Variants in PLXNA4 observed in about 807,000 individuals in gnomAD.
PLXNA4 encodes the protein plexin-A4.
Under a neutral mutation model 191.8 loss-of-function variants are expected in PLXNA4, and 44 were observed. That is an observed-to-expected ratio of 0.23 (90% CI 0.18 to 0.29). PLXNA4 has a LOEUF of 0.29. PLXNA4 is among the 10% of genes least tolerant of loss of function. PLXNA4 has a pLI of 1.00. For synonymous variants in PLXNA4, 1,082 were observed against 1,009.5 expected (o/e 1.07, Z -1.36); for missense variants, 1,800 against 2,488.8 (o/e 0.72, Z 5.89).
chr7:132,355,459 C>T (rs1215594551), intron 3 of PLXNA4, among the ~76,000 whole-genome samples: 1 of 152,142 alleles, frequency 6.6e-6, no homozygotes, highest in African/African-American at 2.4e-5. Context: ...AAGGGGTGAG[C>T]CCCACTGGCT....
intron 2 of PLXNA4, among the ~76,000 whole-genome samples, chr7:132,640,038 G>A (rs1803708567): frequency 6.6e-6 from 1 of 152,236 alleles, no homozygotes; most frequent in Admixed American, 6.5e-5. Flanking sequence ...TTCATGATAA[G>A]TAATTATAAC....
chr7:132,543,957 G>T (rs1411227003), intron 1 of PLXNA4, among the ~76,000 whole-genome samples: 1 of 152,222 alleles, frequency 6.6e-6, no homozygotes, highest in African/African-American at 2.4e-5. Flanking sequence ...GAAGTACAGG[G>T]TTATTTCATG....
chr7:132,629,051 T>C (rs914446099), intron 2 of PLXNA4, among the ~76,000 whole-genome samples: 2 of 152,228 alleles, frequency 1.3e-5, no homozygotes, highest in African/African-American at 4.8e-5. Context: ...TTGATCTCAC[T>C]ATTGATTGAT....
intron 3 of PLXNA4, among the ~76,000 whole-genome samples, chr7:132,400,233 A>C (rs1306606230): frequency 6.6e-6 from 1 of 152,208 alleles, no homozygotes; most frequent in Non-Finnish European, 1.5e-5. Flanking sequence ...AAAAGGAATT[A>C]ACATCCTCAG....
chr7:132,536,775 G>C (rs796962995), intron 1 of PLXNA4, among the ~76,000 whole-genome samples: 1 of 152,236 alleles, frequency 6.6e-6, no homozygotes, highest in Non-Finnish European at 1.5e-5. Flanking sequence ...ACCCCTAAGC[G>C]AGGAAATGCT....
chr7:132,378,917 T>A lies in PLXNA4; in HGVS notation c.1372-80695A>T, dbSNP rs899762047. Among the ~76,000 whole-genome samples, 3 of 148,504 alleles carry A rather than the reference T, an allele frequency of 2.0e-5. No homozygotes were observed. The Admixed American group carries it at 2.1e-4, about 10-fold the overall frequency. ...CCCAGGCTGGAGTGCAATGGCGCGA[T>A]CTTGGCTCACTACAACCTCCGCCTC... On this transcript the variant is annotated intron_variant, in intron 3 of 31. Coordinates refer to ENST00000321063, the MANE Select transcript of PLXNA4 (RefSeq NM_020911.2).
intron 1 of PLXNA4, among the ~76,000 whole-genome samples, chr7:132,537,995 G>A (rs761880117): frequency 3.9e-5 from 6 of 152,174 alleles, no homozygotes; most frequent in Admixed American, 6.5e-5. Context: ...GTAGAGCTTC[G>A]CTGATCCTGC....
chr7:132,222,548 A>G (rs1584865231), intron 9 of PLXNA4, among the ~76,000 whole-genome samples: 1 of 151,386 alleles, frequency 6.6e-6, no homozygotes, highest in South Asian at 2.1e-4. Flanking sequence ...GGCTGGCCAC[A>G]TGGTCATGAC....
In PLXNA4 at chr7:132,133,048, C is replaced by T. The variant is rs1195675706; in HGVS notation, c.5589+1G>A. 6.2e-7 allele frequency: 1 copy of T among 1,613,414 alleles called. No homozygotes were observed. Among genetic ancestry groups the T allele is most frequent in the Non-Finnish European group, 8.5e-7 (1 of 1,179,644 alleles). ...TGGGCCTGGAGCAGGGCAAAGCTTACCTCCTCGCTGTATTTGCCCACATAG... is the reference window on the plus strand; with the variant it reads ...TGGGCCTGGAGCAGGGCAAAGCTTATCTCCTCGCTGTATTTGCCCACATAG... On this transcript the variant is annotated splice_donor_variant, in intron 31 of 31. Coordinates refer to ENST00000321063, the MANE Select transcript of PLXNA4 (RefSeq NM_020911.2). LOFTEE classifies it high-confidence loss of function.
intron 2 of PLXNA4, among the ~76,000 whole-genome samples, chr7:132,584,523 T>C (rs1289959436): frequency 6.6e-6 from 1 of 152,168 alleles, no homozygotes; most frequent in Non-Finnish European, 1.5e-5. Context: ...CATACATCCA[T>C]ACCACAGAAC....
chr7:132,364,501 T>C (rs1261489795), intron 3 of PLXNA4, among the ~76,000 whole-genome samples: 1 of 152,128 alleles, frequency 6.6e-6, no homozygotes, highest in Non-Finnish European at 1.5e-5. Context: ...GCCCAGGGCA[T>C]TGTTGACATC....
rs1383484398 is a variant in PLXNA4, at chr7:132,223,643, T to C, written c.1983-2A>G. ...GGACTCTCCACGCAGGACAGGCACC[T>C]GGGCACAGGGGAAGGGAGGCACAAA... On this transcript the variant is annotated splice_acceptor_variant, in intron 8 of 31. Transcript: ENST00000321063. LOFTEE classifies it high-confidence loss of function. The C allele has an allele frequency of 6.2e-7, 1 of 1,611,880 alleles. No individual in the cohort carries two copies. Among genetic ancestry groups the C allele is most frequent in the Non-Finnish European group, 8.5e-7 (1 of 1,178,832 alleles).
chr7:132,264,642 T>G (rs1013190093), intron 4 of PLXNA4, among the ~76,000 whole-genome samples: 4 of 151,770 alleles, frequency 2.6e-5, no homozygotes, highest in Admixed American at 6.6e-5. Context: ...ATCTACTCTT[T>G]GGGCATCATT....
chr7:132,618,524 TG>T (rs1803198204), intron 2 of PLXNA4, among the ~76,000 whole-genome samples: 1 of 152,274 alleles, frequency 6.6e-6, no homozygotes, highest in Non-Finnish European at 1.5e-5. Flanking sequence ...AACCTCTGAC[TG>T]TTCTCTGCCT....
At chr7:132,452,774 G>A (rs1219876324) in intron 3 of PLXNA4, among the ~76,000 whole-genome samples, 1 of 152,222 alleles carries the variant, frequency 6.6e-6, no homozygotes, top group Non-Finnish European at 1.5e-5. Context: ...TCAGAGAAAT[G>A]TATCAGCTGC....
At chr7:132,399,788 T>G (rs888110619) in intron 3 of PLXNA4, among the ~76,000 whole-genome samples, 2 of 152,234 alleles carry the variant, frequency 1.3e-5, no homozygotes, top group African/African-American at 4.8e-5. Flanking sequence ...AACTGGGGCT[T>G]CACTGCTTCT....
chr7:132,245,726 T>G (rs1799026751), intron 4 of PLXNA4, among the ~76,000 whole-genome samples: 1 of 152,174 alleles, frequency 6.6e-6, no homozygotes, highest in Admixed American at 6.5e-5. Context: ...ATGTGGTATA[T>G]CCATACAATG....
At chr7:132,151,390 A>AGG (rs1795613420) in intron 25 of PLXNA4, among the ~76,000 whole-genome samples, 2 of 46,322 alleles carry the variant, frequency 4.3e-5, no homozygotes, top group Non-Finnish European at 9.0e-5. Context: ...GAGGAGGAGA[A>AGG]AGGAGGAGGA....
At chr7:132,459,833 C>T (rs1452934389) in intron 3 of PLXNA4, among the ~76,000 whole-genome samples, 1 of 152,216 alleles carries the variant, frequency 6.6e-6, no homozygotes, top group African/African-American at 2.4e-5. Flanking sequence ...ATCTAAATCA[C>T]ACCTCCCTTC....
Sources: allele counts gnomAD v4.1 joint callset (sites outside exome capture counted in the v4.1 genomes callset), GRCh38; gene constraint gnomAD v4.1.1; transcripts MANE v1.5; gene names NCBI Gene and HGNC (gene_info 2026-07-23, HGNC 2026-07-21).